Variants in CACNB4 observed in about 807,000 individuals in gnomAD.
CACNB4 encodes the protein calcium voltage-gated channel auxiliary subunit beta 4, also known as voltage-dependent L-type calcium channel subunit beta-4.
CACNB4 carries 32 observed loss-of-function variants against 71.2 expected under a neutral mutation model. The ratio of observed to expected loss-of-function variants is 0.45; its 90% CI spans 0.34 to 0.60. The LOEUF (loss-of-function observed/expected upper bound fraction) is 0.60. CACNB4 is among the 20% of genes least tolerant of loss of function. The probability of loss-of-function intolerance (pLI) is 0.01; values close to 1 mark genes in which losing one functional copy is unlikely to be tolerated. For missense variants in CACNB4, 464 were observed against 647.9 expected (o/e 0.72, Z 3.08); for synonymous variants, 231 against 236.9 (o/e 0.97, Z 0.23).
chr2:151,973,829 A>C, intron 2 of CACNB4: 1 of 1,504,262 alleles, frequency 6.6e-7, no homozygotes, highest in Middle Eastern at 1.7e-4. Context: ...TGCCTTATCA[A>C]TTCCTGTGGA....
At chr2:152,022,961 A>G (rs1683754866) in intron 2 of CACNB4, among the ~76,000 whole-genome samples, 1 of 152,236 alleles carries the variant, frequency 6.6e-6, no homozygotes, top group South Asian at 2.1e-4. Flanking sequence ...ACTGCTACAA[A>G]GACATACCCA....
At chr2:151,979,139 G>A (rs2099874289) in intron 2 of CACNB4, among the ~76,000 whole-genome samples, 1 of 152,038 alleles carries the variant, frequency 6.6e-6, no homozygotes, top group African/African-American at 2.4e-5. Context: ...TGAAAATCCT[G>A]TAACAAATGC....
chr2:152,033,661 C>T (rs958166851), intron 2 of CACNB4, among the ~76,000 whole-genome samples: 3 of 152,042 alleles, frequency 2.0e-5, no homozygotes, highest in African/African-American at 7.2e-5. Context: ...AGGAGCCAAA[C>T]TTGGGGAAAA....
intron 2 of CACNB4, among the ~76,000 whole-genome samples, chr2:152,087,776 G>A (rs746416200): frequency 2.0e-5 from 3 of 152,114 alleles, no homozygotes; most frequent in Non-Finnish European, 4.4e-5. Context: ...CTACTTGGGA[G>A]ACTGAGGCAG....
intron 12 of CACNB4, chr2:151,852,969 T>A (rs1334162150): frequency 6.6e-6 from 1 of 152,352 alleles, no homozygotes; most frequent in African/African-American, 2.4e-5. Context: ...TATAATTTCG[T>A]TTTTCATCTG....
intron 9 of CACNB4, among the ~76,000 whole-genome samples, chr2:151,863,523 T>C (rs1049268854): frequency 6.6e-6 from 1 of 152,180 alleles, no homozygotes; most frequent in Non-Finnish European, 1.5e-5. Flanking sequence ...CCAATGATTT[T>C]TGGACTAATG....
intron 2 of CACNB4, among the ~76,000 whole-genome samples, chr2:152,016,767 C>T (rs549460083): frequency 7.6e-4 from 115 of 152,292 alleles, no homozygotes; most frequent in African/African-American, 2.3e-3. Context: ...AACTGTGCTT[C>T]GGATAAGCCA....
At chr2:152,066,375 CA>C (rs1177639680) in intron 2 of CACNB4, among the ~76,000 whole-genome samples, 1 of 152,008 alleles carries the variant, frequency 6.6e-6, no homozygotes, top group African/African-American at 2.4e-5. Context: ...TTTATGCAGC[CA>C]AAAAACACAT....
At chr2:152,017,272 C>T (rs372488865) in intron 2 of CACNB4, among the ~76,000 whole-genome samples, 6 of 150,172 alleles carry the variant, frequency 4.0e-5, no homozygotes, top group African/African-American at 1.5e-4. Context: ...TAACAGCACC[C>T]CTAGTGGTTC....
intron 2 of CACNB4, among the ~76,000 whole-genome samples, chr2:151,985,800 T>G (rs752646474): frequency 6.6e-6 from 1 of 152,150 alleles, no homozygotes; most frequent in Non-Finnish European, 1.5e-5. Context: ...ACAGAGACTG[T>G]GGTGTTCATG....
intron 2 of CACNB4, among the ~76,000 whole-genome samples, chr2:151,990,661 C>A (rs1392789338): frequency 6.6e-6 from 1 of 152,298 alleles, no homozygotes; most frequent in Non-Finnish European, 1.5e-5. Context: ...TCAGTGAACA[C>A]ATTCTGATCC....
chr2:151,892,944 C>T (rs751704097), intron 2 of CACNB4, among the ~76,000 whole-genome samples: 3 of 152,062 alleles, frequency 2.0e-5, no homozygotes, highest in Non-Finnish European at 4.4e-5. Context: ...TGACAGAATG[C>T]TACGCAAGTT....
chr2:151,992,122 A>G (rs1681742789), intron 2 of CACNB4, among the ~76,000 whole-genome samples: 1 of 152,228 alleles, frequency 6.6e-6, no homozygotes, highest in East Asian at 1.9e-4. Context: ...ATTTGGAGAC[A>G]GGCCTGGATG....
At chr2:152,012,648 T>C (rs1683127620) in intron 2 of CACNB4, among the ~76,000 whole-genome samples, 1 of 150,564 alleles carries the variant, frequency 6.6e-6, no homozygotes, top group Non-Finnish European at 1.5e-5. Flanking sequence ...AAAGTTCATA[T>C]AAGGATAAAT....
chr2:151,972,986 G>T (rs377316324), intron 2 of CACNB4: 2 of 152,306 alleles, frequency 1.3e-5, no homozygotes, highest in South Asian at 4.1e-4. Context: ...TATGATTTCA[G>T]GGATTTCAGG....
chr2:151,911,520 G>A (rs139769877), intron 2 of CACNB4, among the ~76,000 whole-genome samples: 28 of 152,192 alleles, frequency 1.8e-4, no homozygotes, highest in Non-Finnish European at 3.2e-4. Flanking sequence ...TCCCAGGAAT[G>A]AAGCCGTCTT....
At chr2:151,883,051 G>A in intron 3 of CACNB4, 200 bp downstream of exon 3, 1 of 571,540 alleles carries the variant, frequency 1.7e-6, no homozygotes, top group Non-Finnish European at 3.1e-6. Context: ...ATACAAAAAG[G>A]TGAAGGTTCT....
At chr2:152,096,831 T>C (rs759093059) in intron 2 of CACNB4, among the ~76,000 whole-genome samples, 3 of 152,204 alleles carry the variant, frequency 2.0e-5, no homozygotes, top group Non-Finnish European at 4.4e-5. Flanking sequence ...AAAGCATTAG[T>C]GCAGTTATGT....
intron 2 of CACNB4, among the ~76,000 whole-genome samples, chr2:151,951,547 A>G (rs1350722931): frequency 2.0e-5 from 3 of 152,196 alleles, no homozygotes; most frequent in Non-Finnish European, 4.4e-5. Context: ...GGAACCTGAT[A>G]GTTTAAGAGA....
Sources: allele counts gnomAD v4.1 joint callset (sites outside exome capture counted in the v4.1 genomes callset), GRCh38; gene constraint gnomAD v4.1.1; transcripts MANE v1.5; gene names NCBI Gene and HGNC (gene_info 2026-07-23, HGNC 2026-07-21).